Variants in CNTLN observed in about 807,000 individuals in gnomAD.
CNTLN encodes the protein centlein, centrosomal protein.
Under a neutral mutation model 180.0 loss-of-function variants are expected in CNTLN, and 212 were observed. That is an observed-to-expected ratio of 1.18 (90% CI 1.05 to 1.32). CNTLN has a LOEUF of 1.32. Ranked by LOEUF, CNTLN falls within the 40% of genes most tolerant of loss-of-function variation. The pLI, the probability that CNTLN is intolerant of heterozygous loss-of-function variation, is 0.00. For missense variants in CNTLN, 2,095 were observed against 1,610.9 expected, an observed-to-expected ratio of 1.30 and a Z score of -5.14; for synonymous variants, 722 against 563.1, an observed-to-expected ratio of 1.28 and a Z score of -3.99.
intron 5 of CNTLN, among the ~76,000 whole-genome samples, chr9:17,246,836 A>G (rs1047485993): frequency 6.6e-6 from 1 of 152,036 alleles, no homozygotes; most frequent in African/African-American, 2.4e-5. Context: ...AGGGCTCTTT[A>G]GTCAGCAGGA....
At chr9:17,214,719 C>T (rs1448967554) in intron 2 of CNTLN, among the ~76,000 whole-genome samples, 1 of 152,218 alleles carries the variant, frequency 6.6e-6, no homozygotes, top group East Asian at 1.9e-4. Flanking sequence ...GGTCTTTTCA[C>T]ATAGTCATGT....
At chr9:17,402,577 G>T (rs1564074350) in intron 15 of CNTLN, among the ~76,000 whole-genome samples, 1 of 151,700 alleles carries the variant, frequency 6.6e-6, no homozygotes, top group Non-Finnish European at 1.5e-5. Context: ...AGTGAGCTTT[G>T]GATAAAGCAC....
chr9:17,288,466 GA>G, intron 6 of CNTLN, among the ~76,000 whole-genome samples: 1 of 142,622 alleles, frequency 7.0e-6, no homozygotes, highest in Non-Finnish European at 1.5e-5. Context: ...GTGTGGTGCT[GA>G]AAAAAATGTA....
At chr9:17,494,876 CTTTTTTTTTT>C (rs35224903) in intron 25 of CNTLN, 4 of 272,976 alleles carry the variant, frequency 1.5e-5, no homozygotes, top group South Asian at 2.2e-5. Context: ...CTATACCATA[CTTTTTTTTTT>C]TTTTTTTTTT....
intron 2 of CNTLN, among the ~76,000 whole-genome samples, chr9:17,156,555 C>T (rs1586943500): frequency 6.6e-6 from 1 of 151,704 alleles, no homozygotes; most frequent in East Asian, 1.9e-4. Context: ...GTTATTTATT[C>T]TGTAGAGTTT....
At chr9:17,363,947 T>C (rs1296515796) in intron 12 of CNTLN, among the ~76,000 whole-genome samples, 1 of 152,168 alleles carries the variant, frequency 6.6e-6, no homozygotes, top group African/African-American at 2.4e-5. Context: ...ATTTTCCTTC[T>C]GGCTTTGTTT....
intron 15 of CNTLN, among the ~76,000 whole-genome samples, chr9:17,408,843 A>G (rs1371026741): frequency 6.6e-6 from 1 of 151,380 alleles, no homozygotes; most frequent in Non-Finnish European, 1.5e-5. Flanking sequence ...GGTGCTTAAG[A>G]AGTATTTTAT....
At chr9:17,487,401 G>A (rs1006121424) in intron 25 of CNTLN, among the ~76,000 whole-genome samples, 1 of 152,078 alleles carries the variant, frequency 6.6e-6, no homozygotes, top group African/African-American at 2.4e-5. Flanking sequence ...TTTAAAGTTA[G>A]TATTTGATAT....
chr9:17,201,381 A>C (rs879474194), intron 2 of CNTLN, among the ~76,000 whole-genome samples: 1 of 151,902 alleles, frequency 6.6e-6, no homozygotes, highest in Non-Finnish European at 1.5e-5. Flanking sequence ...CTCTTTTTCT[A>C]TTGTTTGGAA....
At chr9:17,360,492 G>A (rs1213021821) in intron 12 of CNTLN, among the ~76,000 whole-genome samples, 1 of 152,144 alleles carries the variant, frequency 6.6e-6, no homozygotes, top group African/African-American at 2.4e-5. Flanking sequence ...ATACAGCCTA[G>A]GGGGTGGTGG....
At chr9:17,329,507 C>T (rs967449113) in intron 8 of CNTLN, among the ~76,000 whole-genome samples, 3 of 151,790 alleles carry the variant, frequency 2.0e-5, no homozygotes, top group African/African-American at 7.3e-5. Context: ...GTAAACAATA[C>T]TTTGAGGAAG....
Position 17,486,790 on chromosome 9 carries a change from T to C in CNTLN, c.4042-199T>C, listed in dbSNP as rs180700384. Among the ~76,000 whole-genome samples the C allele has an allele frequency of 3.3e-5, 5 of 152,152 alleles. No homozygotes were observed. The South Asian group carries it at 8.3e-4, about 25-fold the overall frequency. ...TGAATTACTGTGAAGTATATAAATA[T>C]AGCTATATCTTCCGTAGTACGTATC... is the stretch of plus-strand genomic sequence containing the variant. On this transcript the variant is annotated intron_variant, in intron 24 of 25. Transcript: ENST00000380647.
intron 7 of CNTLN, chr9:17,299,274 C>G (rs1386482316): frequency 7.0e-6 from 1 of 142,728 alleles, no homozygotes; most frequent in Admixed American, 7.2e-5. Flanking sequence ...AAAACCTTTA[C>G]TGAATTCTTC....
intron 2 of CNTLN, among the ~76,000 whole-genome samples, chr9:17,203,645 C>T (rs1822706466): frequency 6.6e-6 from 1 of 152,292 alleles, no homozygotes; most frequent in East Asian, 1.9e-4. Flanking sequence ...CAAGCTCCAC[C>T]TCCCGTGTTC....
chr9:17,158,950 T>C (rs1052045151), intron 2 of CNTLN, among the ~76,000 whole-genome samples: 3 of 152,114 alleles, frequency 2.0e-5, no homozygotes, highest in Admixed American at 6.6e-5. Flanking sequence ...TTGAGACTTT[T>C]CCACTTCCTT....
chr9:17,326,151 G>A (rs1820275447), intron 8 of CNTLN, among the ~76,000 whole-genome samples: 1 of 151,966 alleles, frequency 6.6e-6, no homozygotes, highest in Non-Finnish European at 1.5e-5. Context: ...TGTTAACAAT[G>A]GCAATTTAAA....
intron 23 of CNTLN, 39 bp from the exon 24 acceptor site, chr9:17,484,256 A>G: frequency 6.8e-7 from 1 of 1,479,264 alleles, no homozygotes; most frequent in Non-Finnish European, 9.2e-7. Flanking sequence ...CTTCATTATG[A>G]CTTTAATATA....
In CNTLN at chr9:17,330,704, C is replaced by A. The variant is rs376848122; in HGVS notation, c.1414C>A (p.Gln472Lys). ...VSQKSEIEYL[Q>K]EKLKIANEKL... ...ACAGAAGTCTGAAATTGAGTATTTA[C>A]AGGAGAAACTAAAGATAGCAAATGA... is the stretch of plus-strand genomic sequence containing the variant. The change falls in exon 9 of 26, where the codon CAG becomes AAG. Residue 472 changes from glutamine to lysine, a missense_variant. Physicochemically the swap from Gln to Lys is moderately conservative, Grantham distance 53. Coordinates refer to ENST00000380647, the MANE Select transcript of CNTLN (RefSeq NM_017738.4). 1 of 1,611,566 alleles carries A rather than the reference C, an allele frequency of 6.2e-7. No homozygotes were observed. Among genetic ancestry groups the A allele is most frequent in the Non-Finnish European group, 8.5e-7 (1 of 1,178,394 alleles).
chr9:17,246,709 A>T (rs1825814915), intron 5 of CNTLN, among the ~76,000 whole-genome samples: 1 of 152,130 alleles, frequency 6.6e-6, no homozygotes, highest in Admixed American at 6.5e-5. Flanking sequence ...GTAGGAATCT[A>T]CCTGGTCCTC....
Sources: gnomAD v4.1 joint callset for allele counts (sites outside exome capture counted in the v4.1 genomes callset) on GRCh38, gnomAD v4.1.1 for gene constraint, MANE v1.5 for transcripts, NCBI Gene and HGNC (gene_info 2026-07-23, HGNC 2026-07-21) for gene names.